FBRSL1: variants seen among roughly 807,000 people sequenced by gnomAD.
FBRSL1 encodes the protein fibrosin-1-like protein.
In FBRSL1, 51 loss-of-function variants were observed where a neutral mutation model predicts 89.6. That is an observed-to-expected ratio of 0.57 (90% CI 0.45 to 0.72). The LOEUF is 0.72. Among genes scored for constraint, FBRSL1 ranks in the 30% least tolerant of loss-of-function variants. FBRSL1 has a pLI of 0.00. For missense variants in FBRSL1, 1,618 were observed against 1,451.8 expected, an observed-to-expected ratio of 1.11 and a Z score of -1.86; for synonymous variants, 779 against 681.1, an observed-to-expected ratio of 1.14 and a Z score of -2.24.
chr12:132,572,254 T>G (rs2040078670), intron 9 of FBRSL1, 34 bp from the exon 10 acceptor site: 2 of 1,547,064 alleles, frequency 1.3e-6, no homozygotes, highest in African/African-American at 1.4e-5. Context: ...GTGTCGTGTG[T>G]GCGGGGCCTC....
chr12:132,523,692 G>A (rs1452065891), intron 2 of FBRSL1, among the ~76,000 whole-genome samples: 2 of 152,224 alleles, frequency 1.3e-5, no homozygotes, highest in African/African-American at 2.4e-5. Context: ...TCTGTCCCTA[G>A]AAGTGAGTGC....
intron 4 of FBRSL1, among the ~76,000 whole-genome samples, chr12:132,541,389 AC>A (rs2037257407): frequency 6.6e-6 from 1 of 151,970 alleles, no homozygotes; most frequent in Admixed American, 6.6e-5. Context: ...CACACCCGTA[AC>A]CCCCTGCCCA....
chr12:132,508,080 C>A, intron 1 of FBRSL1, 73 bp from the exon 2 acceptor site: 1 of 1,407,808 alleles, frequency 7.1e-7, no homozygotes, highest in Non-Finnish European at 9.6e-7. Context: ...AAGAGCTGCT[C>A]AGGTGGGTGC....
intron 2 of FBRSL1, among the ~76,000 whole-genome samples, chr12:132,516,479 G>A (rs989201131): frequency 2.0e-5 from 3 of 152,168 alleles, no homozygotes; most frequent in East Asian, 1.9e-4. Context: ...CACCACGCCC[G>A]GCTTAGATAA....
At chr12:132,550,604 G>A (rs1439492832) in intron 5 of FBRSL1, 2 of 152,416 alleles carry the variant, frequency 1.3e-5, no homozygotes, top group African/African-American at 4.8e-5. Flanking sequence ...GTGTGTCCCA[G>A]GCTGACTCAA....
rs2137049793 is a variant in FBRSL1 at position 132,533,122 on chromosome 12, CA to C, written c.615+5135del. On this transcript the variant is annotated intron_variant, in intron 4 of 18. Transcript: ENST00000680143. ...GCCTCTCCCTGGAGTCAGAGAGCTG[CA>C]GTCTCCTCCCGACCCAGCCTCTCCC... Among the ~76,000 whole-genome samples the C allele has an allele frequency of 2.0e-5, 3 of 151,384 alleles. No homozygotes were observed. In the South Asian group the frequency reaches 6.3e-4, roughly 32 times the overall value.
chr12:132,572,186 A>G (rs1023703986), intron 9 of FBRSL1, 102 bp from the exon 10 acceptor site: 8 of 1,091,616 alleles, frequency 7.3e-6, no homozygotes, highest in East Asian at 5.2e-5. Flanking sequence ...AGGAAGCACA[A>G]CGCCGTCCTG....
At chr12:132,509,641 G>A (rs1267297256) in intron 2 of FBRSL1, 27 of 1,231,708 alleles carry the variant, frequency 2.2e-5, no homozygotes, top group Non-Finnish European at 2.6e-5. Context: ...CTCTACTGCC[G>A]GCGCCTGCGG....
At chr12:132,550,510 G>T (rs576314993) in intron 5 of FBRSL1, among the ~76,000 whole-genome samples, 1 of 151,990 alleles carries the variant, frequency 6.6e-6, no homozygotes, top group Non-Finnish European at 1.5e-5. Context: ...AGAGCAGCAG[G>T]GTGGGCCAGG....
chr12:132,556,695 TCA>T, intron 5 of FBRSL1, among the ~76,000 whole-genome samples: 1 of 111,622 alleles, frequency 9.0e-6, no homozygotes, highest in African/African-American at 4.1e-5. Context: ...CTCCAGGCCT[TCA>T]TGCTGCCTCC....
chr12:132,530,201 G>A (rs548439773), intron 4 of FBRSL1, among the ~76,000 whole-genome samples: 14 of 152,324 alleles, frequency 9.2e-5, no homozygotes, highest in African/African-American at 3.1e-4. Context: ...TCTCTGGGCA[G>A]TGTCCTGACA....
At position 132,548,178 on chromosome 12, in the gene FBRSL1, G is replaced by A; in HGVS notation, c.645+146G>A. 1.4e-5 allele frequency: 13 copies of A among 934,984 alleles called. No individual in the cohort carries two copies. In the Middle Eastern group the frequency reaches 1.2e-3, roughly 85 times the overall value. 57.9% of individuals were successfully genotyped at this position (934,984 alleles called of 1,614,324 possible). A position where few individuals can be genotyped will look rare whatever the true frequency, so the allele number is the denominator to read the frequency against. On this transcript the variant is annotated intron_variant, in intron 5 of 18. Coordinates refer to ENST00000680143, the MANE Select transcript of FBRSL1 (RefSeq NM_001367871.1). ...GCCCGGTGGGTGCAGGGGGCTTGTG[G>A]CCTCCCAGGTATGGGGGTGCTGGCC...
At chr12:132,559,172 CA>C (rs2038911431) in intron 5 of FBRSL1, among the ~76,000 whole-genome samples, 1 of 152,256 alleles carries the variant, frequency 6.6e-6, no homozygotes, top group Non-Finnish European at 1.5e-5. Context: ...CCCTCCCGGC[CA>C]CCTCAAGTGT....
At chr12:132,530,410 G>A (rs2036160118) in intron 4 of FBRSL1, among the ~76,000 whole-genome samples, 1 of 152,064 alleles carries the variant, frequency 6.6e-6, no homozygotes, top group Non-Finnish European at 1.5e-5. Context: ...ACTCCTGTCG[G>A]CTCACTGTGG....
At chr12:132,569,854 G>C in intron 6 of FBRSL1, 72 bp from the exon 7 acceptor site, 1 of 1,212,158 alleles carries the variant, frequency 8.2e-7, no homozygotes, top group South Asian at 2.2e-5. Flanking sequence ...GCACGTACCA[G>C]GGCTCCCTGG....
intron 9 of FBRSL1, 53 bp downstream of exon 9, chr12:132,571,284 C>T (rs1485615035): frequency 6.6e-7 from 1 of 1,506,060 alleles, no homozygotes; most frequent in South Asian, 1.2e-5. Flanking sequence ...GCCTCTCTGT[C>T]TCTCTCTCTT....
At chr12:132,526,170 G>A (rs952784012) in intron 3 of FBRSL1, among the ~76,000 whole-genome samples, 1 of 152,242 alleles carries the variant, frequency 6.6e-6, no homozygotes, top group African/African-American at 2.4e-5. Context: ...GTTAAGCCTT[G>A]GACGCTGTGC....
intron 5 of FBRSL1, chr12:132,555,073 G>A (rs970829085): frequency 1.3e-5 from 2 of 152,262 alleles, no homozygotes; most frequent in African/African-American, 4.8e-5. Flanking sequence ...CACCGCAGAC[G>A]ACCTTCTGAG....
At chr12:132,565,223 A>G (rs910577761) in intron 5 of FBRSL1, 3 of 152,216 alleles carry the variant, frequency 2.0e-5, no homozygotes, top group African/African-American at 7.2e-5. Flanking sequence ...GTGTTACCAG[A>G]ATGCAGTCTC....
Sources: gnomAD v4.1 joint callset for allele counts (sites outside exome capture counted in the v4.1 genomes callset) on GRCh38, gnomAD v4.1.1 for gene constraint, MANE v1.5 for transcripts, NCBI Gene and HGNC (gene_info 2026-07-23, HGNC 2026-07-21) for gene names.